The following SCRG1 variants were observed in gnomAD, a reference collection of about 807,000 sequenced individuals.
The protein encoded by SCRG1 is scrapie-responsive protein 1.
SCRG1 carries 3 observed loss-of-function variants against 7.7 expected under a neutral mutation model. The observed-to-expected ratio is 0.39, with a 90% confidence interval of 0.18 to 1.01. The LOEUF (loss-of-function observed/expected upper bound fraction) is 1.01, where lower values mean the gene tolerates loss of function less well. Ranked by LOEUF, SCRG1 falls within the 50% of genes least tolerant of loss-of-function variation. The pLI is 0.36. For missense variants in SCRG1, 110 were observed against 117.2 expected, an observed-to-expected ratio of 0.94 and a Z score of 0.28; for synonymous variants, 46 against 41.2, an observed-to-expected ratio of 1.12 and a Z score of -0.44.
chr4:173,517,027 G>T, the SCRG1 span, among the ~76,000 whole-genome samples: 1 of 152,250 alleles, frequency 6.6e-6, no homozygotes, highest in African/African-American at 2.4e-5. Context: ...AACGAGCAAA[G>T]TCTACAGGGG....
chr4:173,515,339 G>T, the SCRG1 span, among the ~76,000 whole-genome samples: 1 of 152,048 alleles, frequency 6.6e-6, no homozygotes, highest in Non-Finnish European at 1.5e-5. The surrounding 1 kb of genome is among the most constrained non-coding windows in gnomAD (Gnocchi z 4.6). Flanking sequence ...AATGAGCAGA[G>T]GTCACTTAGA....
At position 173,388,393 on chromosome 4, in the gene SCRG1, T is replaced by A. The variant is rs750440011; in HGVS notation, c.245A>T (p.Asp82Val). Reference protein sequence around the residue: ...NFSELLCCPKDVFFGPKISFV... With the variant: ...NFSELLCCPKVVFFGPKISFV... ...AGAGATCTTTGGTCCAAAGAAAACG[T>A]CTCTGAAAGAAAATAGAGCATCAAT... Residue 82 changes from aspartate to valine, a missense_variant and splice_region_variant, in exon 3 of 3, where the codon GAC becomes GTC. Asp to Val is a radical substitution (Grantham distance 152, BLOSUM62 -3). Transcript: ENST00000296506. 1.2e-6 allele frequency: 2 copies of A among 1,608,596 alleles called. No individual in the cohort carries two copies. Among genetic ancestry groups the A allele is most frequent in the Non-Finnish European group, 1.7e-6 (2 of 1,176,042 alleles).
chr4:173,430,364 A>T, the SCRG1 span, among the ~76,000 whole-genome samples: 1 of 152,324 alleles, frequency 6.6e-6, no homozygotes, highest in East Asian at 1.9e-4. Flanking sequence ...TCTCAGGTTG[A>T]TAACAATACT....
At chr4:173,392,868 A>G (rs991690862) in intron 1 of SCRG1, among the ~76,000 whole-genome samples, 6 of 152,234 alleles carry the variant, frequency 3.9e-5, no homozygotes, top group Admixed American at 3.9e-4. Flanking sequence ...AACCCGGCAG[A>G]TCACCTGAGG....
chr4:173,419,700 C>A, the SCRG1 span: 1 of 883,770 alleles, frequency 1.1e-6, no homozygotes, highest in Non-Finnish European at 1.9e-6. Context: ...GCACCAAACA[C>A]TTTATTGCCA....
the SCRG1 span, among the ~76,000 whole-genome samples, chr4:173,483,406 T>TATTATATATTATATCATGATATAC: frequency 2.7e-5 from 2 of 72,972 alleles, no homozygotes; most frequent in East Asian, 8.6e-4. Context: ...TCATGATATA[T>TATTATATATTATATCATGATATAC]ATTATATATT....
chr4:173,517,408 T>C, the SCRG1 span, among the ~76,000 whole-genome samples: 1 of 152,092 alleles, frequency 6.6e-6, no homozygotes, highest in African/African-American at 2.4e-5. Context: ...CATTGTGTGT[T>C]TTGCCTTTAT....
the SCRG1 span, among the ~76,000 whole-genome samples, chr4:173,503,717 C>T: frequency 1.3e-5 from 2 of 152,120 alleles, no homozygotes; most frequent in African/African-American, 4.8e-5. This position sits in a 1 kb window ranked among gnomAD's most constrained non-coding sequence, Gnocchi z 6.4. Context: ...AAGACCCAAC[C>T]CAGATGTGCC....
At chr4:173,480,433 G>A in the SCRG1 span, among the ~76,000 whole-genome samples, 4 of 151,662 alleles carry the variant, frequency 2.6e-5, no homozygotes, top group Admixed American at 2.0e-4. Context: ...AAACAGGGCT[G>A]GGCTCTGGAT....
chr4:173,443,763 C>A, the SCRG1 span, among the ~76,000 whole-genome samples: 1 of 152,082 alleles, frequency 6.6e-6, no homozygotes, highest in African/African-American at 2.4e-5. Flanking sequence ...AACTCCTGAG[C>A]TCAAACAGTC....
chr4:173,423,125 A>G, the SCRG1 span, among the ~76,000 whole-genome samples: 1 of 152,206 alleles, frequency 6.6e-6, no homozygotes, highest in South Asian at 2.1e-4. Context: ...TAAGAAAAAA[A>G]TCTTAACTAT....
upstream of SCRG1, among the ~76,000 whole-genome samples, chr4:173,406,971 G>C (rs1739923990): frequency 6.6e-6 from 1 of 152,164 alleles, no homozygotes; most frequent in Non-Finnish European, 1.5e-5. Flanking sequence ...ACTTTGGGGG[G>C]CCGAGATGGG....
chr4:173,442,804 C>G, the SCRG1 span, among the ~76,000 whole-genome samples: 2 of 152,148 alleles, frequency 1.3e-5, no homozygotes, highest in Non-Finnish European at 2.9e-5. Context: ...ATCCTTTGAT[C>G]AGGAGCCCAC....
the SCRG1 span, among the ~76,000 whole-genome samples, chr4:173,490,686 T>G: frequency 6.6e-6 from 1 of 152,210 alleles, no homozygotes; most frequent in African/African-American, 2.4e-5. Context: ...GGCTTTAAAA[T>G]ATGCAAGAAT....
chr4:173,402,279 T>C (rs1739781310), upstream of SCRG1, among the ~76,000 whole-genome samples: 1 of 152,202 alleles, frequency 6.6e-6, no homozygotes, highest in South Asian at 2.1e-4. Context: ...TGTTTATTTC[T>C]ATAGGTATAT....
At chr4:173,488,097 C>CTAAATAAATAAATAAA in the SCRG1 span, among the ~76,000 whole-genome samples, 5 of 144,952 alleles carry the variant, frequency 3.4e-5, no homozygotes, top group African/African-American at 1.0e-4. Context: ...GAGACTCTGT[C>CTAAATAAATAAATAAA]TAAATAAATA....
chr4:173,495,601 C>T, the SCRG1 span, among the ~76,000 whole-genome samples: 1 of 152,226 alleles, frequency 6.6e-6, no homozygotes, highest in African/African-American at 2.4e-5. Context: ...TTTGCATTCA[C>T]TTTTCATTTA....
the SCRG1 span, among the ~76,000 whole-genome samples, chr4:173,435,441 G>A: frequency 2.0e-5 from 3 of 152,182 alleles, no homozygotes; most frequent in African/African-American, 4.8e-5. Context: ...CCGGGGCTCC[G>A]AGGGGTGCCC....
At chr4:173,430,500 C>T in the SCRG1 span, among the ~76,000 whole-genome samples, 1 of 152,038 alleles carries the variant, frequency 6.6e-6, no homozygotes, top group African/African-American at 2.4e-5. Flanking sequence ...TTACAAAATA[C>T]AGGAAAGGCA....
Sources: allele counts gnomAD v4.1 joint callset (sites outside exome capture counted in the v4.1 genomes callset), GRCh38; gene constraint gnomAD v4.1.1; non-coding constraint Gnocchi (gnomAD v3.1); transcripts MANE v1.5; gene names NCBI Gene and HGNC (gene_info 2026-07-23, HGNC 2026-07-21).